The following RBM19 variants were observed in gnomAD, a reference collection of about 807,000 sequenced individuals.
RBM19 encodes RNA binding motif protein 19.
A neutral mutation model predicts 116.8 loss-of-function variants in RBM19; 94 were observed. The ratio of observed to expected loss-of-function variants is 0.80; its 90% confidence interval spans 0.68 to 0.95. RBM19 has a LOEUF of 0.95. RBM19 is among the 40% of genes least tolerant of loss of function. The pLI is 0.00. For missense variants in RBM19, 1,161 were observed against 1,220.7 expected (o/e 0.95, Z 0.73); for synonymous variants, 475 against 494.1 (o/e 0.96, Z 0.51).
intron 21 of RBM19, among the ~76,000 whole-genome samples, chr12:113,864,036 A>G (rs1207963714): frequency 6.6e-6 from 1 of 152,004 alleles, no homozygotes; most frequent in African/African-American, 2.4e-5. Context: ...CTAGATGGAG[A>G]AAACTGAGGC....
intron 23 of RBM19, among the ~76,000 whole-genome samples, chr12:113,844,140 C>T (rs1457366207): frequency 6.6e-6 from 1 of 152,236 alleles, no homozygotes; most frequent in African/African-American, 2.4e-5. Context: ...CCACATGACA[C>T]CACCAAGGTG....
intron 16 of RBM19, 164 bp downstream of exon 16, chr12:113,936,843 A>T: frequency 1.1e-6 from 1 of 901,874 alleles, no homozygotes; most frequent in Non-Finnish European, 1.6e-6. Flanking sequence ...ACTGTTTTTT[A>T]CAGGACATGC....
intron 13 of RBM19, among the ~76,000 whole-genome samples, chr12:113,945,598 G>A (rs141719954): frequency 6.6e-6 from 1 of 152,138 alleles, no homozygotes; most frequent in African/African-American, 2.4e-5. Context: ...CACATTCTCC[G>A]GGGTGGCTCC....
At chr12:113,930,254 C>T (rs76464559) in intron 16 of RBM19, among the ~76,000 whole-genome samples, 1 of 152,356 alleles carries the variant, frequency 6.6e-6, no homozygotes, top group East Asian at 1.9e-4. Flanking sequence ...CCAGCCAGTG[C>T]CCGGCGTGGC....
chr12:113,907,055 G>A (rs191391486), intron 21 of RBM19, among the ~76,000 whole-genome samples: 5 of 152,204 alleles, frequency 3.3e-5, no homozygotes, highest in Non-Finnish European at 5.9e-5. Context: ...TGCAGCCTTC[G>A]GAGGCAGCAT....
At chr12:113,890,969 A>AT (rs879933866) in intron 21 of RBM19, among the ~76,000 whole-genome samples, 4,291 of 144,458 alleles carry the variant, frequency 0.03, 153 homozygotes, top group African/African-American at 0.082. Context: ...TAATATTTCA[A>AT]TTTTTTTTTT....
At chr12:113,863,515 C>T (rs181169754) in intron 21 of RBM19, among the ~76,000 whole-genome samples, 31 of 152,290 alleles carry the variant, frequency 2.0e-4, no homozygotes, top group Admixed American at 1.3e-3. Flanking sequence ...TCCTGCTTAA[C>T]CCCACAGCCT....
chr12:113,923,984 C>G (rs1566019655), intron 18 of RBM19, among the ~76,000 whole-genome samples: 1 of 152,254 alleles, frequency 6.6e-6, no homozygotes, highest in East Asian at 1.9e-4. Context: ...GCTCAGGACA[C>G]AGTTTGGGCT....
intron 21 of RBM19, among the ~76,000 whole-genome samples, chr12:113,890,814 G>GGTGTTGCA (rs1880913505): frequency 6.6e-6 from 1 of 152,180 alleles, no homozygotes; most frequent in African/African-American, 2.4e-5. Flanking sequence ...TTTGAGACAG[G>GGTGTTGCA]GTGTTGCAGT....
chr12:113,916,811 C>T (rs1017422873), intron 20 of RBM19, among the ~76,000 whole-genome samples: 4 of 152,336 alleles, frequency 2.6e-5, no homozygotes, highest in South Asian at 2.1e-4. Context: ...CTGCCCTAGC[C>T]GACATCCTGA....
intron 21 of RBM19, among the ~76,000 whole-genome samples, chr12:113,861,379 G>C (rs900628325): frequency 1.3e-5 from 2 of 152,130 alleles, no homozygotes; most frequent in Non-Finnish European, 2.9e-5. Context: ...TGCCCACACT[G>C]TGTGCAAACC....
At chr12:113,851,500 C>T (rs951594035) in intron 22 of RBM19, among the ~76,000 whole-genome samples, 12 of 152,174 alleles carry the variant, frequency 7.9e-5, no homozygotes, top group Non-Finnish European at 1.5e-4. Flanking sequence ...CACAAGGCCA[C>T]GGGCAGCACG....
intron 23 of RBM19, among the ~76,000 whole-genome samples, chr12:113,831,594 G>A (rs1875415993): frequency 6.6e-6 from 1 of 152,204 alleles, no homozygotes; most frequent in Non-Finnish European, 1.5e-5. Context: ...AAATGGCCCG[G>A]CACAGCTGGC....
At chr12:113,921,401 C>T (rs1868545856) in intron 18 of RBM19, among the ~76,000 whole-genome samples, 1 of 152,064 alleles carries the variant, frequency 6.6e-6, no homozygotes, top group Admixed American at 6.6e-5. Flanking sequence ...ACCTTCCACC[C>T]ACACCCCAGC....
chr12:113,879,780 TAA>T (rs1879975684), intron 21 of RBM19, among the ~76,000 whole-genome samples: 1 of 152,050 alleles, frequency 6.6e-6, no homozygotes, highest in Non-Finnish European at 1.5e-5. Context: ...CTCCTTAGCC[TAA>T]GTCTCCTGGC....
chr12:113,882,197 C>T (rs1425335550), intron 21 of RBM19, among the ~76,000 whole-genome samples: 2 of 152,320 alleles, frequency 1.3e-5, no homozygotes, highest in East Asian at 3.9e-4. Flanking sequence ...GACCTCATGG[C>T]TTGGGGTGAA....
At chr12:113,873,399 G>GAA (rs1431729830) in intron 21 of RBM19, among the ~76,000 whole-genome samples, 4 of 51,990 alleles carry the variant, frequency 7.7e-5, no homozygotes, top group African/African-American at 2.8e-4. Context: ...TGTGCTCTCT[G>GAA]AAACATGTGC....
At chr12:113,960,560 C>T (rs974490998) in intron 2 of RBM19, among the ~76,000 whole-genome samples, 1 of 152,134 alleles carries the variant, frequency 6.6e-6, no homozygotes, top group Non-Finnish European at 1.5e-5. Context: ...CCCTGGCTTA[C>T]CCAGGTAATA....
chr12:113,907,842 G>C (rs1460588554), intron 21 of RBM19, among the ~76,000 whole-genome samples: 2 of 152,180 alleles, frequency 1.3e-5, no homozygotes, highest in Non-Finnish European at 1.5e-5. Context: ...CATCAAGGTA[G>C]GATGAGGTCA....
Sources: gnomAD v4.1 joint callset for allele counts (sites outside exome capture counted in the v4.1 genomes callset) on GRCh38, gnomAD v4.1.1 for gene constraint, MANE v1.5 for transcripts, NCBI Gene and HGNC (gene_info 2026-07-23, HGNC 2026-07-21) for gene names.